LRP6: variants seen among roughly 807,000 people sequenced by gnomAD.
The protein encoded by LRP6 is LDL receptor related protein 6.
In LRP6, 43 loss-of-function variants were observed where a neutral mutation model predicts 184.1. The ratio of observed to expected loss-of-function variants is 0.23; its 90% CI spans 0.18 to 0.30. The LOEUF (loss-of-function observed/expected upper bound fraction) is 0.30, where lower values mean the gene tolerates loss of function less well. Ranked by LOEUF, LRP6 falls within the 10% of genes least tolerant of loss-of-function variation. LRP6 has a pLI of 1.00. For missense variants in LRP6, 1,571 were observed against 2,005.3 expected (o/e 0.78, Z 4.14); for synonymous variants, 719 against 684.9 (o/e 1.05, Z -0.78).
In LRP6 at chr12:12,187,128, A is replaced by G. The variant is rs759194528; in HGVS notation, c.648-9T>C. ...CTTTAACCACTGCCTGCCTATTAAC[A>G]TAAAGAGAAAAATTTAAACTTATTT... On this transcript the variant is annotated splice_polypyrimidine_tract_variant and intron_variant, in intron 3 of 22. Transcript: ENST00000261349. The G allele has an allele frequency of 1.2e-6, 2 of 1,612,948 alleles. No individual in the cohort carries two copies. The highest frequency in any genetic ancestry group is 2.2e-5 in the East Asian group (1 of 44,804).
chr12:12,215,371 CTGT>C (rs1421310854), intron 2 of LRP6, among the ~76,000 whole-genome samples: 1 of 152,026 alleles, frequency 6.6e-6, no homozygotes, highest in Non-Finnish European at 1.5e-5. Context: ...AAAAACAGTA[CTGT>C]TGTTTACTAT....
chr12:12,251,569 C>T (rs1027452317), intron 1 of LRP6, among the ~76,000 whole-genome samples: 8 of 152,074 alleles, frequency 5.3e-5, no homozygotes, highest in Admixed American at 1.3e-4. Flanking sequence ...AGGGTTTCAC[C>T]ATGTTAGCCA....
At chr12:12,191,179 C>G (rs1249658408) in intron 3 of LRP6, among the ~76,000 whole-genome samples, 1 of 152,192 alleles carries the variant, frequency 6.6e-6, no homozygotes, top group African/African-American at 2.4e-5. Flanking sequence ...AATTCATCGT[C>G]AGGCACTGAA....
intron 15 of LRP6, among the ~76,000 whole-genome samples, chr12:12,144,884 TG>T (rs1348219596): frequency 3.1e-5 from 2 of 64,092 alleles, no homozygotes; most frequent in Non-Finnish European, 5.7e-5. Context: ...GGACACAGGG[TG>T]GGGAACATCA....
chr12:12,243,513 T>C (rs1224130603), intron 2 of LRP6, among the ~76,000 whole-genome samples: 1 of 152,172 alleles, frequency 6.6e-6, no homozygotes, highest in African/African-American at 2.4e-5. Context: ...TTCCTTCTTC[T>C]CTCTCTTTAA....
Position 12,150,874 on chromosome 12 carries a change from G to C in LRP6, c.2956C>G (p.Gln986Glu). 6.2e-7 allele frequency: 1 copy of C among 1,614,010 alleles called. No homozygotes were observed. The highest frequency in any genetic ancestry group is 1.1e-5 in the South Asian group (1 of 91,068). Residue 986 changes from glutamine (Q) to glutamate (E), a missense_variant, in exon 13 of 23, where the codon CAA (glutamine) becomes GAA (glutamate). Physicochemically the swap from Gln to Glu is conservative, Grantham distance 29 (BLOSUM62 2). This residue lies in a region of LRP6 where 763 missense variants were observed against 859.5 expected (regional missense o/e 0.89). Transcript: ENST00000261349. ...DKQLYWIDSRQNMIRKAQEDG... is the reference protein window; with the variant it reads ...DKQLYWIDSRENMIRKAQEDG... ...TCTTGTGCCTTTCGGATCATGTTTT[G>C]TCGTGAGTCAATCCAATAGAGTTGC... is the stretch of plus-strand genomic sequence containing the variant.
chr12:12,160,833 G>A (rs1294921130), intron 10 of LRP6, among the ~76,000 whole-genome samples: 1 of 152,196 alleles, frequency 6.6e-6, no homozygotes, highest in East Asian at 1.9e-4. Context: ...TGAGGTGCTA[G>A]TTTTTGAGAC....
rs540012023 is a variant in LRP6 at position 12,116,952 on chromosome 12, T to C, written c.*4174A>G. ...TGAGAGTGTGAATTCACAATACTTA[T>C]AATTTAAATTTTAAAAAAATTATAA... On this transcript the variant is annotated 3_prime_UTR_variant, in exon 23 of 23. Transcript: ENST00000261349. The C allele has an allele frequency of 4.3e-4, 66 of 152,056 alleles. No homozygotes were observed. The highest frequency in any genetic ancestry group is 1.4e-3 in the African/African-American group (59 of 41,320). The allele number at this position is 152,056 out of a possible 1,614,324, so 9.4% of individuals were successfully genotyped here.
chr12:12,187,408 T>C (rs111878330), intron 3 of LRP6: 34 of 425,392 alleles, frequency 8.0e-5, no homozygotes, highest in African/African-American at 5.8e-4. Context: ...TGCTTTTTCA[T>C]TGTTTGCACT....
Position 12,138,293 on chromosome 12 carries a change from C to T in LRP6, c.3607+32G>A, listed in dbSNP as rs765789321. 7.3e-6 allele frequency: 11 copies of T among 1,515,098 alleles called. No individual in the cohort carries two copies. The South Asian group carries it at 1.2e-4, about 17-fold the overall frequency. The allele number at this position is 1,515,098 out of a possible 1,614,324, so 93.9% of individuals were successfully genotyped here. ...TATTAATTTATTATAACACATGATT[C>T]CTCCAATTAGCTTTATCCCATTAAC... On this transcript the variant is annotated intron_variant, in intron 16 of 22. Coordinates refer to ENST00000261349, the MANE Select transcript of LRP6 (RefSeq NM_002336.3).
Position 12,266,784 on chromosome 12 carries a change from T to C in LRP6, c.-49A>G. ...CTCACCGGCGAGGGGTGGCCAGAAGTGGGGGAGGCGAGGAGCCGGGGCGGC... is the reference window on the plus strand; with the variant it reads ...CTCACCGGCGAGGGGTGGCCAGAAGCGGGGGAGGCGAGGAGCCGGGGCGGC... On this transcript the variant is annotated 5_prime_UTR_variant, in exon 1 of 23. Coordinates refer to ENST00000261349, the MANE Select transcript of LRP6 (RefSeq NM_002336.3). 4.6e-6 allele frequency: 7 copies of C among 1,527,504 alleles called. No individual in the cohort carries two copies. Among genetic ancestry groups the C allele is most frequent in the South Asian group, 1.2e-5 (1 of 85,360 alleles). The allele number at this position is 1,527,504 out of a possible 1,614,324, so 94.6% of individuals were successfully genotyped here.
At chr12:12,231,827 C>G (rs1864797540) in intron 2 of LRP6, among the ~76,000 whole-genome samples, 2 of 151,728 alleles carry the variant, frequency 1.3e-5, no homozygotes, top group Non-Finnish European at 2.9e-5. Context: ...CCATCCTGAG[C>G]AACATGGTGA....
At chr12:12,198,679 G>A (rs573388882) in intron 3 of LRP6, among the ~76,000 whole-genome samples, 20 of 151,792 alleles carry the variant, frequency 1.3e-4, no homozygotes, top group African/African-American at 2.7e-4. Flanking sequence ...GATTACAGGC[G>A]TGCATCACCA....
At chr12:12,142,411 A>G (rs1047569128) in intron 15 of LRP6, among the ~76,000 whole-genome samples, 1 of 152,190 alleles carries the variant, frequency 6.6e-6, no homozygotes, top group Non-Finnish European at 1.5e-5. Flanking sequence ...GGAACCAACA[A>G]GGAAAAGATA....
chr12:12,149,890 T>C (rs549056083), intron 13 of LRP6, among the ~76,000 whole-genome samples: 2 of 152,330 alleles, frequency 1.3e-5, no homozygotes, highest in Non-Finnish European at 2.9e-5. Context: ...TATTCCTTAA[T>C]TTCTATCTAT....
intron 2 of LRP6, among the ~76,000 whole-genome samples, chr12:12,218,812 GAGC>G (rs1864414596): frequency 6.6e-6 from 1 of 152,030 alleles, no homozygotes; most frequent in Admixed American, 6.6e-5. Context: ...CCAAGTGACA[GAGC>G]AATACCCCCA....
At chr12:12,153,751 A>G (rs1268945156) in intron 12 of LRP6, among the ~76,000 whole-genome samples, 1 of 152,098 alleles carries the variant, frequency 6.6e-6, no homozygotes, top group African/African-American at 2.4e-5. Flanking sequence ...TTTAACAACG[A>G]CCTCATCTGG....
chr12:12,140,648 G>A (rs1949918857), intron 15 of LRP6, among the ~76,000 whole-genome samples: 1 of 150,186 alleles, frequency 6.7e-6, no homozygotes, highest in Non-Finnish European at 1.5e-5. Flanking sequence ...CTTTCGCCCA[G>A]GCTAGAGTGC....
In LRP6 at chr12:12,154,888, G is replaced by A. The variant is rs181666531; in HGVS notation, c.2792-3850C>T. On this transcript the variant is annotated intron_variant, in intron 12 of 22. Coordinates refer to ENST00000261349, the MANE Select transcript of LRP6 (RefSeq NM_002336.3). ...ACAAAATTATCTCTATTTTATAGGC[G>A]AGTGCGCTGAGGATCTGAAAGGTTA... Among the ~76,000 whole-genome samples, 414 of 152,174 alleles carry A rather than the reference G, an allele frequency of 2.7e-3. 3 individuals carry two copies. The highest frequency in any genetic ancestry group is 9.5e-3 in the African/African-American group (395 of 41,514).
Sources: gnomAD v4.1 joint callset for allele counts (sites outside exome capture counted in the v4.1 genomes callset) on GRCh38, gnomAD v4.1.1 for gene constraint, gnomAD v4.1.1 regional missense constraint, MANE v1.5 for transcripts, NCBI Gene and HGNC (gene_info 2026-07-23, HGNC 2026-07-21) for gene names.